The following LHPP variants were observed in gnomAD, a reference collection of about 807,000 sequenced individuals.
LHPP encodes the protein hLHPP.
Under a neutral mutation model 30.3 loss-of-function variants are expected in LHPP, and 24 were observed. The observed-to-expected ratio is 0.79, with a 90% CI of 0.57 to 1.11. The LOEUF (loss-of-function observed/expected upper bound fraction) is 1.11, where lower values mean the gene tolerates loss of function less well. LHPP is among the 50% of genes most tolerant of loss of function. The pLI, the probability that LHPP is intolerant of heterozygous loss-of-function variation, is 0.00. For missense variants in LHPP, 356 were observed against 367.2 expected, an observed-to-expected ratio of 0.97 and a Z score of 0.25; for synonymous variants, 150 against 157.1, an observed-to-expected ratio of 0.95 and a Z score of 0.34.
chr10:124,579,060 C>T (rs1027802912), intron 6 of LHPP, among the ~76,000 whole-genome samples: 1 of 152,242 alleles, frequency 6.6e-6, no homozygotes, highest in Non-Finnish European at 1.5e-5. Flanking sequence ...GTCTCCCCGT[C>T]GAAGTGGCTC....
chr10:124,494,614 G>A lies in LHPP; in HGVS notation c.468-2347G>A, dbSNP rs180925415. Among the ~76,000 whole-genome samples the A allele has an allele frequency of 1.1e-3, 172 of 152,278 alleles. 1 individual carries two copies. The highest frequency in any genetic ancestry group is 4.1e-3 in the Admixed American group (62 of 15,300). On this transcript the variant is annotated intron_variant, in intron 3 of 6. Transcript: ENST00000368842. ...TGCAGAGGGCCTTGCCTGTGGTGGC[G>A]TGGCCACCCTGGTCCTCAGCAGGGT...
rs932030702 is a variant in LHPP, at chr10:124,467,167, T to G, written c.125+5180T>G. 1.6e-4 allele frequency among the ~76,000 whole-genome samples: 24 copies of G among 151,906 alleles called. 1 individual carries two copies. Among genetic ancestry groups the G allele is most frequent in the Admixed American group, 1.4e-3 (22 of 15,238 alleles). On this transcript the variant is annotated intron_variant, in intron 1 of 6. Transcript: ENST00000368842. ...AAATAAAATATTTCAAGGAGATCTCTCTGGCTGCAGTGTGGAGAACAGGCT... is the reference window on the plus strand; with the variant it reads ...AAATAAAATATTTCAAGGAGATCTCGCTGGCTGCAGTGTGGAGAACAGGCT...
chr10:124,603,390 G>A (rs1251086795), intron 6 of LHPP, among the ~76,000 whole-genome samples: 5 of 152,150 alleles, frequency 3.3e-5, no homozygotes, highest in Non-Finnish European at 5.9e-5. Flanking sequence ...GCACCTGACA[G>A]GGCCACTGCT....
Position 124,609,035 on chromosome 10 carries a change from C to T in LHPP, c.717-4229C>T, listed in dbSNP as rs569220626. 6.6e-5 allele frequency among the ~76,000 whole-genome samples: 10 copies of T among 152,318 alleles called. No homozygotes were observed. The South Asian group carries it at 1.0e-3, about 16-fold the overall frequency. On this transcript the variant is annotated intron_variant, in intron 6 of 6. Coordinates refer to ENST00000368842, the MANE Select transcript of LHPP (RefSeq NM_022126.4). ...AGTAAGAGCTTGAGAAGGGGCCTGT[C>T]CAGAGCCCTGGGGGACGGTGGACAG...
intron 1 of LHPP, among the ~76,000 whole-genome samples, chr10:124,465,801 G>A (rs1952537002): frequency 6.6e-6 from 1 of 152,212 alleles, no homozygotes; most frequent in South Asian, 2.1e-4. Flanking sequence ...GGCTTCAAGT[G>A]ATTCACCCAC....
chr10:124,507,846 G>GT (rs1354754821), intron 5 of LHPP, among the ~76,000 whole-genome samples: 12 of 89,240 alleles, frequency 1.3e-4, no homozygotes, highest in Admixed American at 2.2e-4. Context: ...GATTTCAGGT[G>GT]GGGGGGTAGG....
intron 3 of LHPP, among the ~76,000 whole-genome samples, chr10:124,489,181 T>G (rs948249903): frequency 6.6e-6 from 1 of 152,220 alleles, no homozygotes; most frequent in African/African-American, 2.4e-5. Flanking sequence ...GAAGAAAAAT[T>G]AGACAATACA....
chr10:124,486,692 G>C (rs984927925), intron 2 of LHPP, among the ~76,000 whole-genome samples: 3 of 152,244 alleles, frequency 2.0e-5, no homozygotes, highest in African/African-American at 7.2e-5. Context: ...ATTAGCACCT[G>C]TGTGACTGAC....
At chr10:124,477,488 C>T (rs530507909) in intron 1 of LHPP, among the ~76,000 whole-genome samples, 1 of 152,280 alleles carries the variant, frequency 6.6e-6, no homozygotes, top group Non-Finnish European at 1.5e-5. Flanking sequence ...GCCCCCCAAC[C>T]CCACTCCCTG....
intron 6 of LHPP, among the ~76,000 whole-genome samples, chr10:124,563,633 G>C (rs1465641532): frequency 6.6e-6 from 1 of 152,122 alleles, no homozygotes; most frequent in African/African-American, 2.4e-5. Context: ...CTATAGTTTT[G>C]CAATATATTA....
At chr10:124,485,638 C>T (rs1267557194) in intron 2 of LHPP, among the ~76,000 whole-genome samples, 1 of 151,380 alleles carries the variant, frequency 6.6e-6, no homozygotes, top group Non-Finnish European at 1.5e-5. Flanking sequence ...TGCTCTGTCA[C>T]CCAGGCTGGA....
rs1955433803 is a variant in LHPP at position 124,549,765 on chromosome 10, A to G, written c.716+32494A>G. On this transcript the variant is annotated intron_variant, in intron 6 of 6. Transcript: ENST00000368842. ...CATGGCCGGGGTGGGCATGGCCGGG[A>G]AAGGCATGGCCTCCAGAATCAGAGG... Among the ~76,000 whole-genome samples, 4 of 152,304 alleles carry G rather than the reference A, an allele frequency of 2.6e-5. No homozygotes were observed. In the South Asian group the frequency reaches 8.3e-4, roughly 32 times the overall value.
At chr10:124,534,979 G>A (rs764447635) in intron 6 of LHPP, among the ~76,000 whole-genome samples, 7 of 152,200 alleles carry the variant, frequency 4.6e-5, no homozygotes, top group East Asian at 3.8e-4. Flanking sequence ...CTGGGTCCTC[G>A]GCGCCTATTG....
chr10:124,463,028 C>T lies in LHPP; in HGVS notation c.125+1041C>T, dbSNP rs564596385. Among the ~76,000 whole-genome samples the T allele has an allele frequency of 9.9e-5, 15 of 152,232 alleles. No homozygotes were observed. In the East Asian group the frequency reaches 2.1e-3, roughly 22 times the overall value. ...AATTACAGGCATGTGCCACCACACCCGGCTAATTTTTTGTATTTTTAGTAG... is the reference window on the plus strand; with the variant it reads ...AATTACAGGCATGTGCCACCACACCTGGCTAATTTTTTGTATTTTTAGTAG... On this transcript the variant is annotated intron_variant, in intron 1 of 6. Transcript: ENST00000368842.
intron 3 of LHPP, among the ~76,000 whole-genome samples, chr10:124,491,541 G>T (rs935871793): frequency 4.6e-5 from 7 of 152,214 alleles, no homozygotes; most frequent in African/African-American, 7.2e-5. Context: ...GTGCTGATAG[G>T]ATCAGGAGTG....
chr10:124,585,201 G>A (rs1474627508), intron 6 of LHPP, among the ~76,000 whole-genome samples: 3 of 152,114 alleles, frequency 2.0e-5, no homozygotes, highest in Non-Finnish European at 4.4e-5. Context: ...AACAATATAA[G>A]CTAAAATATA....
At chr10:124,565,072 C>G (rs990554499) in intron 6 of LHPP, among the ~76,000 whole-genome samples, 9 of 152,042 alleles carry the variant, frequency 5.9e-5, no homozygotes, top group African/African-American at 2.2e-4. Flanking sequence ...CTCCATGCAT[C>G]TTTATGCATT....
In LHPP at chr10:124,517,484, G is replaced by A. The variant is rs1475991264; in HGVS notation, c.716+213G>A. The A allele has an allele frequency of 5.5e-6, 2 of 364,306 alleles. No individual in the cohort carries two copies. Among genetic ancestry groups the A allele is most frequent in the Non-Finnish European group, 9.9e-6 (2 of 201,312 alleles). The allele number at this position is 364,306 out of a possible 1,614,324, so 22.6% of individuals were successfully genotyped here. ...TAAAGTAGAGTGGCTTTTGATACAG[G>A]GTCTGGGTTTTGGAATGGCGTGCAG... is the stretch of plus-strand genomic sequence containing the variant. On this transcript the variant is annotated intron_variant, in intron 6 of 6. Transcript: ENST00000368842. The surrounding 1 kb of genome is among the most constrained non-coding windows in gnomAD (Gnocchi z 4.1).
At chr10:124,506,270 C>G (rs572904209) in intron 5 of LHPP, among the ~76,000 whole-genome samples, 1 of 125,980 alleles carries the variant, frequency 7.9e-6, no homozygotes, top group East Asian at 2.9e-4. Flanking sequence ...CAAACCCCCC[C>G]CCCACCCCGC....
Sources: allele counts gnomAD v4.1 joint callset (sites outside exome capture counted in the v4.1 genomes callset), GRCh38; gene constraint gnomAD v4.1.1; non-coding constraint Gnocchi (gnomAD v3.1); transcripts MANE v1.5; gene names NCBI Gene and HGNC (gene_info 2026-07-23, HGNC 2026-07-21).